The following TMEM132B variants were observed in gnomAD, a reference collection of about 807,000 sequenced individuals.
TMEM132B encodes the protein transmembrane protein 132B.
Under a neutral mutation model 90.8 loss-of-function variants are expected in TMEM132B, and 18 were observed. The observed-to-expected ratio is 0.20, with a 90% CI of 0.14 to 0.29. TMEM132B has a LOEUF of 0.29. TMEM132B is among the 10% of genes least tolerant of loss of function. The pLI is 1.00. For missense variants in TMEM132B, 1,096 were observed against 1,326.8 expected (o/e 0.83, Z 2.70); for synonymous variants, 504 against 523.3 (o/e 0.96, Z 0.50).
intron 3 of TMEM132B, among the ~76,000 whole-genome samples, chr12:125,486,604 G>A (rs370768313): frequency 6.6e-6 from 1 of 152,160 alleles, no homozygotes; most frequent in Non-Finnish European, 1.5e-5. Context: ...AGGCCTGCAA[G>A]GCTGTGACAA....
intron 2 of TMEM132B, among the ~76,000 whole-genome samples, chr12:125,385,344 C>G (rs945353410): frequency 6.6e-6 from 1 of 152,142 alleles, no homozygotes; most frequent in African/African-American, 2.4e-5. Context: ...GTTGGGGGAC[C>G]TGTCTAGCAT....
intron 1 of TMEM132B, among the ~76,000 whole-genome samples, chr12:125,282,987 G>A (rs1368211689): frequency 6.6e-6 from 1 of 152,160 alleles, no homozygotes; most frequent in Non-Finnish European, 1.5e-5. Flanking sequence ...AGAGCTTGGT[G>A]CAGGAGAAAG....
intron 2 of TMEM132B, among the ~76,000 whole-genome samples, chr12:125,389,689 C>T (rs1002629271): frequency 6.6e-6 from 1 of 152,138 alleles, no homozygotes; most frequent in Non-Finnish European, 1.5e-5. Context: ...GTTATTGTGG[C>T]ATTCCATCAG....
chr12:125,248,120 C>T (rs1266767044), intron 1 of TMEM132B, among the ~76,000 whole-genome samples: 1 of 152,160 alleles, frequency 6.6e-6, no homozygotes, highest in Non-Finnish European at 1.5e-5. Flanking sequence ...GAAAGAGAGT[C>T]TGAAAAGAGG....
In TMEM132B at chr12:125,460,920, C is replaced by G. The variant is rs952716882; in HGVS notation, c.1106+45243C>G. On this transcript the variant is annotated intron_variant, in intron 3 of 8. Coordinates refer to ENST00000682704, the MANE Select transcript of TMEM132B (RefSeq NM_001366854.1). This position sits in a 1 kb window ranked among gnomAD's most constrained non-coding sequence, Gnocchi z 4.4. Reference sequence around the variant, plus strand: ...TAAAAAAGATCTTTACAATTTTGCTCCTCTCAGAAAGTTATTTTTGTCTTC... The same window carrying G: ...TAAAAAAGATCTTTACAATTTTGCTGCTCTCAGAAAGTTATTTTTGTCTTC... Among the ~76,000 whole-genome samples, 2 of 152,166 alleles carry G rather than the reference C, an allele frequency of 1.3e-5. No homozygotes were observed. Among genetic ancestry groups the G allele is most frequent in the African/African-American group, 4.8e-5 (2 of 41,424 alleles).
At chr12:125,531,305 G>T (rs750375833) in intron 4 of TMEM132B, among the ~76,000 whole-genome samples, 11 of 152,072 alleles carry the variant, frequency 7.2e-5, no homozygotes, top group Non-Finnish European at 1.5e-4. Flanking sequence ...CCCACTTCAG[G>T]TTCCTGAGGA....
In TMEM132B at chr12:125,322,810, T is replaced by C. The variant is rs557641039; in HGVS notation, c.68-26642T>C. Among the ~76,000 whole-genome samples the C allele has an allele frequency of 1.8e-4, 27 of 152,334 alleles. No homozygotes were observed. In the South Asian group the frequency reaches 5.4e-3, roughly 30 times the overall value. On this transcript the variant is annotated intron_variant, in intron 1 of 8. Transcript: ENST00000682704. Reference sequence around the variant, plus strand: ...TTTTCTTTTGCACAGGCAGTCAACATGATTAGCATTTCCCCCCAATGTGTT... The same window carrying C: ...TTTTCTTTTGCACAGGCAGTCAACACGATTAGCATTTCCCCCCAATGTGTT...
intron 4 of TMEM132B, among the ~76,000 whole-genome samples, chr12:125,538,134 A>G (rs1372342591): frequency 6.6e-6 from 1 of 152,192 alleles, no homozygotes; most frequent in Non-Finnish European, 1.5e-5. Flanking sequence ...AACATTGTCG[A>G]TCATCTAATT....
At chr12:125,272,027 G>A (rs752181667) in intron 1 of TMEM132B, among the ~76,000 whole-genome samples, 2 of 152,200 alleles carry the variant, frequency 1.3e-5, no homozygotes, top group Non-Finnish European at 2.9e-5. Flanking sequence ...ACCGCGGCTT[G>A]CCAAAGGCTC....
At chr12:125,501,910 C>T (rs1882706010) in intron 3 of TMEM132B, among the ~76,000 whole-genome samples, 1 of 152,202 alleles carries the variant, frequency 6.6e-6, no homozygotes, top group South Asian at 2.1e-4. Flanking sequence ...AATAACCGTT[C>T]AGGTGTAGCA....
chr12:125,480,855 C>T (rs760057801), intron 3 of TMEM132B, among the ~76,000 whole-genome samples: 16 of 152,086 alleles, frequency 1.1e-4, no homozygotes, highest in Non-Finnish European at 2.1e-4. Context: ...ATGCGAATAT[C>T]CTCAATAAAA....
chr12:125,215,651 C>T (rs552335858), intron 1 of TMEM132B, among the ~76,000 whole-genome samples: 87 of 152,332 alleles, frequency 5.7e-4, no homozygotes, highest in African/African-American at 2.0e-3. Flanking sequence ...AAGTGATTCT[C>T]CTGCCGCAGC....
intron 1 of TMEM132B, among the ~76,000 whole-genome samples, chr12:125,269,483 C>T (rs942275585): frequency 2.0e-5 from 3 of 152,206 alleles, no homozygotes; most frequent in Non-Finnish European, 4.4e-5. Context: ...TGGTAATTAG[C>T]TCTTTACCTG....
intron 1 of TMEM132B, among the ~76,000 whole-genome samples, chr12:125,327,227 C>A (rs1346702771): frequency 1.3e-5 from 2 of 152,166 alleles, no homozygotes; most frequent in Non-Finnish European, 2.9e-5. Context: ...TCCTGAGCTC[C>A]AGCATCAGCA....
At chr12:125,447,500 A>G (rs1258066983) in intron 3 of TMEM132B, among the ~76,000 whole-genome samples, 2 of 152,152 alleles carry the variant, frequency 1.3e-5, no homozygotes, top group African/African-American at 2.4e-5. Context: ...ATACGCCATT[A>G]TTGTTGTGTA....
Position 125,459,911 on chromosome 12 carries a change from T to A in TMEM132B, c.1106+44234T>A, listed in dbSNP as rs2136468999. 6.6e-6 allele frequency among the ~76,000 whole-genome samples: 1 copy of A among 152,332 alleles called. No individual in the cohort carries two copies. The highest frequency in any genetic ancestry group is 3.4e-3 in the Middle Eastern group (1 of 294). ...GATTTTATAAGGGGTTTCCCCTTTC[T>A]CTTGGCTCTCATTTCCCTCTCTTGC... On this transcript the variant is annotated intron_variant, in intron 3 of 8. Coordinates refer to ENST00000682704, the MANE Select transcript of TMEM132B (RefSeq NM_001366854.1). The surrounding 1 kb of genome is among the most constrained non-coding windows in gnomAD (Gnocchi z 4.1).
intron 5 of TMEM132B, among the ~76,000 whole-genome samples, chr12:125,635,373 T>A (rs1355423154): frequency 1.3e-5 from 2 of 152,102 alleles, no homozygotes; most frequent in Non-Finnish European, 2.9e-5. Flanking sequence ...CTCCCACTTA[T>A]GAGTGAGAAC....
In TMEM132B at chr12:125,263,296, G is replaced by A. The variant is rs114452247; in HGVS notation, c.67+76430G>A. Among the ~76,000 whole-genome samples the A allele has an allele frequency of 4.3e-3, 657 of 152,306 alleles. 3 individuals are homozygous for A. Among genetic ancestry groups the A allele is most frequent in the African/African-American group, 0.013 (556 of 41,560 alleles). ...TTTTTCTGCTGGACAGTATGGAGAG[G>A]TACGTGCCTCAAAGCATCATACTGG... On this transcript the variant is annotated intron_variant, in intron 1 of 8. Transcript: ENST00000682704.
At position 125,350,074 on chromosome 12, in the gene TMEM132B, C is replaced by G. The variant is rs774614990; in HGVS notation, c.690C>G (p.Asp230Glu). 6.2e-7 allele frequency: 1 copy of G among 1,614,218 alleles called. No homozygotes were observed. Residue 230 changes from aspartate to glutamate, a missense_variant, in exon 2 of 9, where the codon GAC becomes GAG. By Grantham distance (45) the Asp-to-Glu change is conservative. Coordinates refer to ENST00000682704, the MANE Select transcript of TMEM132B (RefSeq NM_001366854.1). ...MELFFTLYPADKAGQCPLEEE... is the reference protein window; with the variant it reads ...MELFFTLYPAEKAGQCPLEEE... Reference sequence around the variant, plus strand: ...TCTTCTTCACGCTCTACCCAGCTGACAAGGCTGGCCAGTGTCCTCTGGAGG... The same window carrying G: ...TCTTCTTCACGCTCTACCCAGCTGAGAAGGCTGGCCAGTGTCCTCTGGAGG...
Sources: allele counts gnomAD v4.1 joint callset (sites outside exome capture counted in the v4.1 genomes callset), GRCh38; gene constraint gnomAD v4.1.1; non-coding constraint Gnocchi (gnomAD v3.1); transcripts MANE v1.5; gene names NCBI Gene and HGNC (gene_info 2026-07-23, HGNC 2026-07-21).